STK33: variants seen among roughly 807,000 people sequenced by gnomAD.
STK33 encodes the protein serine/threonine-protein kinase 33.
STK33 carries 52 observed loss-of-function variants against 58.0 expected under a neutral mutation model. The observed-to-expected ratio is 0.90, with a 90% confidence interval of 0.72 to 1.13. The LOEUF is 1.13. STK33 is among the 50% of genes most tolerant of loss of function. The pLI is 0.00. For synonymous variants in STK33, 215 were observed against 200.1 expected (o/e 1.07, Z -0.63); for missense variants, 630 against 604.2 (o/e 1.04, Z -0.45).
At chr11:8,372,189 G>A in the STK33 span, among the ~76,000 whole-genome samples, 1 of 152,134 alleles carries the variant, frequency 6.6e-6, no homozygotes, top group Admixed American at 6.5e-5. Flanking sequence ...TCTAGTAGCT[G>A]GAATCACACT....
chr11:8,505,528 T>A (rs974965391), intron 1 of STK33, among the ~76,000 whole-genome samples: 12 of 152,162 alleles, frequency 7.9e-5, no homozygotes, highest in African/African-American at 2.4e-5. Flanking sequence ...TTTGTCACTC[T>A]TAAACACCAC....
At chr11:8,475,898 G>C (rs967905114) in intron 4 of STK33, 1 of 152,110 alleles carries the variant, frequency 6.6e-6, no homozygotes, top group Non-Finnish European at 1.5e-5. Context: ...TGATAAACCT[G>C]GGGATATATG....
chr11:8,409,352 A>T (rs1939813654), intron 15 of STK33, among the ~76,000 whole-genome samples: 1 of 152,218 alleles, frequency 6.6e-6, no homozygotes, highest in Non-Finnish European at 1.5e-5. Flanking sequence ...ACAGAAATAG[A>T]AGAGAGCAAG....
At chr11:8,529,818 G>A (rs1207069005) in intron 1 of STK33, among the ~76,000 whole-genome samples, 1 of 152,164 alleles carries the variant, frequency 6.6e-6, no homozygotes, top group African/African-American at 2.4e-5. Context: ...GAAGAACACA[G>A]GCATGCTGAC....
the STK33 span, among the ~76,000 whole-genome samples, chr11:8,365,328 A>T: frequency 6.6e-6 from 1 of 152,122 alleles, no homozygotes; most frequent in African/African-American, 2.4e-5. Context: ...TAGGAAGCTG[A>T]CGGGGACCTT....
At chr11:8,527,766 C>A (rs1422411283) in intron 1 of STK33, among the ~76,000 whole-genome samples, 1 of 152,114 alleles carries the variant, frequency 6.6e-6, no homozygotes, top group Non-Finnish European at 1.5e-5. Flanking sequence ...GAAGCAACCA[C>A]AATAGCAATG....
At chr11:8,549,762 G>C (rs1956181704) in intron 1 of STK33, among the ~76,000 whole-genome samples, 1 of 151,886 alleles carries the variant, frequency 6.6e-6, no homozygotes, top group South Asian at 2.1e-4. Context: ...TCAATTTGTT[G>C]GCATATAGTT....
At chr11:8,501,402 A>T (rs765765961) in intron 1 of STK33, among the ~76,000 whole-genome samples, 1 of 152,186 alleles carries the variant, frequency 6.6e-6, no homozygotes, top group African/African-American at 2.4e-5. Flanking sequence ...TCCCAAAGAA[A>T]ATATACAAAT....
At chr11:8,560,501 C>T (rs1957048202) in intron 1 of STK33, among the ~76,000 whole-genome samples, 1 of 152,054 alleles carries the variant, frequency 6.6e-6, no homozygotes, top group South Asian at 2.1e-4. Context: ...TTCTCCCCCA[C>T]TTGGGTATTT....
chr11:8,465,701 G>C (rs1389688980), intron 6 of STK33: 3 of 152,512 alleles, frequency 2.0e-5, no homozygotes, highest in Admixed American at 2.0e-4. Flanking sequence ...GGTTGGGTCA[G>C]CTAGTCAAAG....
At chr11:8,420,934 A>G (rs1011125293) in intron 14 of STK33, among the ~76,000 whole-genome samples, 1 of 148,748 alleles carries the variant, frequency 6.7e-6, no homozygotes, top group African/African-American at 2.5e-5. Flanking sequence ...CAGGAGTTAG[A>G]GGCTGAAGTG....
At chr11:8,430,894 T>A (rs1943343838) in intron 14 of STK33, among the ~76,000 whole-genome samples, 1 of 143,948 alleles carries the variant, frequency 6.9e-6, no homozygotes, top group East Asian at 2.0e-4. Context: ...TGAGATGGAG[T>A]CTTGCTCTGT....
At chr11:8,528,212 T>C (rs1344397263) in intron 1 of STK33, among the ~76,000 whole-genome samples, 1 of 148,386 alleles carries the variant, frequency 6.7e-6, no homozygotes, top group Non-Finnish European at 1.5e-5. Context: ...CTGCAAGTAA[T>C]TGTTTAAAGG....
chr11:8,367,340 C>T, the STK33 span, among the ~76,000 whole-genome samples: 3 of 152,298 alleles, frequency 2.0e-5, no homozygotes, highest in East Asian at 3.9e-4. Context: ...TGTATATACA[C>T]GCATCATTGT....
chr11:8,363,236 G>A, the STK33 span, among the ~76,000 whole-genome samples: 4 of 152,272 alleles, frequency 2.6e-5, no homozygotes, highest in South Asian at 8.3e-4. Flanking sequence ...CAGCCACATG[G>A]AATACTGTCA....
At position 8,553,483 on chromosome 11, in the gene STK33, TC is replaced by T. The variant is rs765328964; in HGVS notation, c.-466+40599del. Among the ~76,000 whole-genome samples, 219 of 151,902 alleles carry T rather than the reference TC, an allele frequency of 1.4e-3. 1 individual carries two copies. The highest frequency in any genetic ancestry group is 2.7e-3 in the Non-Finnish European group (186 of 67,966). On this transcript the variant is annotated intron_variant, in intron 1 of 15. Coordinates refer to ENST00000687296, the MANE Select transcript of STK33 (RefSeq NM_001352389.2). ...CAGGAATTCTTTAGCTCCATTATAA[TC>T]ATATGGGACCACCACTGTATACGTG...
At chr11:8,444,242 T>C (rs1015894626) in intron 11 of STK33, among the ~76,000 whole-genome samples, 2 of 152,178 alleles carry the variant, frequency 1.3e-5, no homozygotes, top group African/African-American at 2.4e-5. Flanking sequence ...GCCTAAGTGC[T>C]AGACACTGCT....
intron 15 of STK33, among the ~76,000 whole-genome samples, chr11:8,394,882 T>A (rs542527198): frequency 6.6e-6 from 1 of 152,308 alleles, no homozygotes; most frequent in Admixed American, 6.5e-5. Flanking sequence ...ATTTTAGTTA[T>A]TTATTTCTTA....
chr11:8,440,053 A>C (rs1408727595), intron 12 of STK33, among the ~76,000 whole-genome samples: 1 of 151,670 alleles, frequency 6.6e-6, no homozygotes, highest in African/African-American at 2.4e-5. Context: ...TAGAAAAGGA[A>C]TCATAAGGAG....
Sources: allele counts gnomAD v4.1 joint callset (sites outside exome capture counted in the v4.1 genomes callset), GRCh38; gene constraint gnomAD v4.1.1; transcripts MANE v1.5; gene names NCBI Gene and HGNC (gene_info 2026-07-23, HGNC 2026-07-21).